The following PPIL6 variants were observed in gnomAD, a reference collection of about 807,000 sequenced individuals.
PPIL6 encodes probable inactive peptidyl-prolyl cis-trans isomerase-like 6.
A neutral mutation model predicts 36.8 loss-of-function variants in PPIL6; 39 were observed. The observed-to-expected ratio is 1.06, with a 90% CI of 0.82 to 1.38. The LOEUF (loss-of-function observed/expected upper bound fraction) is 1.38. PPIL6 is among the 40% of genes most tolerant of loss of function. The pLI, the probability that PPIL6 is intolerant of heterozygous loss-of-function variation, is 0.00. For missense variants in PPIL6, 368 were observed against 379.1 expected (o/e 0.97, Z 0.24); for synonymous variants, 123 against 134.1 (o/e 0.92, Z 0.57).
chr6:109,410,272 G>C (rs1223897264), intron 6 of PPIL6, among the ~76,000 whole-genome samples: 2 of 152,178 alleles, frequency 1.3e-5, no homozygotes, highest in Admixed American at 1.3e-4. Context: ...TTTTGTCCTT[G>C]TTGGGTGTAG....
intron 6 of PPIL6, among the ~76,000 whole-genome samples, chr6:109,416,327 C>A (rs1773252994): frequency 2.0e-5 from 3 of 151,502 alleles, no homozygotes; most frequent in African/African-American, 7.3e-5. Flanking sequence ...CTCAGTCTCC[C>A]AAGTAGCTGG....
intron 2 of PPIL6, among the ~76,000 whole-genome samples, chr6:109,433,049 C>T (rs1774238633): frequency 6.6e-6 from 1 of 151,850 alleles, no homozygotes; most frequent in African/African-American, 2.4e-5. Context: ...TTTACAGGAC[C>T]CAAAACTTTC....
chr6:109,430,801 T>C (rs1345334416), intron 3 of PPIL6, among the ~76,000 whole-genome samples: 1 of 152,212 alleles, frequency 6.6e-6, no homozygotes, highest in Non-Finnish European at 1.5e-5. Context: ...TGCCTAGATG[T>C]TGGACAGTCT....
At position 109,414,477 on chromosome 6, in the gene PPIL6, C is replaced by CTTTTTTTTTTTTTTTTTTTTT. The variant is rs146541023; in HGVS notation, c.688+4689_688+4709dup. Among the ~76,000 whole-genome samples the CTTTTTTTTTTTTTTTTTTTTT allele has an allele frequency of 1.4e-4, 12 of 86,514 alleles. 1 individual carries two copies. Among genetic ancestry groups the CTTTTTTTTTTTTTTTTTTTTT allele is most frequent in the Non-Finnish European group, 2.4e-4 (12 of 49,796 alleles). The allele number at this position is 86,514 out of a possible 152,430, so 56.8% of individuals were successfully genotyped here. On this transcript the variant is annotated intron_variant, in intron 6 of 7. Transcript: ENST00000521072. ...GTATCATTTTCTTAATGTCTTTTAGCTTTTTTTTTTTTTTTTTTTTTTTTT... is the reference window on the plus strand; with the variant it reads ...GTATCATTTTCTTAATGTCTTTTAGCTTTTTTTTTTTTTTTTTTTTTTTTTTTTTTTTTTTTTTTTTTTTTT...
At chr6:109,420,723 T>G (rs148975982) in intron 5 of PPIL6, among the ~76,000 whole-genome samples, 109 of 152,310 alleles carry the variant, frequency 7.2e-4, no homozygotes, top group African/African-American at 2.6e-3. Flanking sequence ...CAATAAATAT[T>G]TATTGAAGGA....
chr6:109,393,221 A>T (rs1214400810), intron 7 of PPIL6, among the ~76,000 whole-genome samples: 1 of 143,442 alleles, frequency 7.0e-6, no homozygotes. Flanking sequence ...AGTCAGGGTG[A>T]TTTTTTTTTT....
intron 5 of PPIL6, 93 bp downstream of exon 5, chr6:109,426,754 T>A: frequency 1.2e-6 from 1 of 851,158 alleles, no homozygotes; most frequent in Non-Finnish European, 1.7e-6. Context: ...TTTAAGTATA[T>A]CTAATTCTAC....
chr6:109,400,204 C>T, intron 6 of PPIL6, 34 bp from the exon 7 acceptor site: 1 of 1,563,062 alleles, frequency 6.4e-7, no homozygotes, highest in Admixed American at 1.7e-5. Flanking sequence ...GTCATTAGCA[C>T]ATTTCTATTA....
At chr6:109,400,526 C>T (rs1170369378) in intron 6 of PPIL6, among the ~76,000 whole-genome samples, 1 of 152,154 alleles carries the variant, frequency 6.6e-6, no homozygotes, top group Non-Finnish European at 1.5e-5. Context: ...CAAACTACCA[C>T]CATACTCATT....
At chr6:109,421,736 A>G (rs979399104) in intron 5 of PPIL6, among the ~76,000 whole-genome samples, 14 of 152,294 alleles carry the variant, frequency 9.2e-5, no homozygotes, top group African/African-American at 3.4e-4. Flanking sequence ...TCTGGAGAAG[A>G]GCTCTGAATG....
At chr6:109,433,402 T>C (rs1774271986) in intron 2 of PPIL6, among the ~76,000 whole-genome samples, 1 of 152,216 alleles carries the variant, frequency 6.6e-6, no homozygotes, top group African/African-American at 2.4e-5. Flanking sequence ...TCACTGTGGA[T>C]ATTTCAGCTA....
intron 6 of PPIL6, among the ~76,000 whole-genome samples, chr6:109,417,808 G>C (rs1021845098): frequency 3.3e-5 from 5 of 152,060 alleles, no homozygotes; most frequent in Non-Finnish European, 7.3e-5. Context: ...GTCCAACCTT[G>C]GACTCTTGTT....
chr6:109,438,674 C>T (rs1774594068), intron 1 of PPIL6, among the ~76,000 whole-genome samples: 1 of 152,028 alleles, frequency 6.6e-6, no homozygotes, highest in South Asian at 2.1e-4. Flanking sequence ...CCGAAACCTC[C>T]ACCTCCCGGG....
chr6:109,417,539 C>G (rs116090489), intron 6 of PPIL6, among the ~76,000 whole-genome samples: 1 of 152,170 alleles, frequency 6.6e-6, no homozygotes, highest in Non-Finnish European at 1.5e-5. Flanking sequence ...TCTTTATTCT[C>G]TTTATTCTTA....
intron 1 of PPIL6, among the ~76,000 whole-genome samples, chr6:109,439,112 G>C (rs1029492484): frequency 2.0e-5 from 3 of 152,034 alleles, no homozygotes; most frequent in Non-Finnish European, 4.4e-5. Flanking sequence ...AAAAAAACTT[G>C]TCAACACTTT....
intron 7 of PPIL6, 21 bp downstream of exon 7, chr6:109,400,014 A>C (rs775883300): frequency 6.4e-7 from 1 of 1,561,778 alleles, no homozygotes; most frequent in South Asian, 1.1e-5. Context: ...TATTATATAA[A>C]TAGATCTACA....
intron 6 of PPIL6, among the ~76,000 whole-genome samples, chr6:109,408,734 C>T (rs145689195): frequency 7.9e-5 from 12 of 152,214 alleles, no homozygotes; most frequent in African/African-American, 2.4e-4. Flanking sequence ...CTTAGAGATA[C>T]GTATCATCTA....
At chr6:109,437,174 G>T (rs1582607726) in intron 1 of PPIL6, among the ~76,000 whole-genome samples, 1 of 152,172 alleles carries the variant, frequency 6.6e-6, no homozygotes, top group Non-Finnish European at 1.5e-5. Flanking sequence ...GTTATACTTT[G>T]TCTCCCTCTA....
chr6:109,427,993 C>G (rs539222654), intron 3 of PPIL6, among the ~76,000 whole-genome samples: 1 of 152,232 alleles, frequency 6.6e-6, no homozygotes, highest in South Asian at 2.1e-4. Context: ...AAATCAGGTC[C>G]CTATATCCAT....
Sources: gnomAD v4.1 joint callset for allele counts (sites outside exome capture counted in the v4.1 genomes callset) on GRCh38, gnomAD v4.1.1 for gene constraint, MANE v1.5 for transcripts, NCBI Gene and HGNC (gene_info 2026-07-23, HGNC 2026-07-21) for gene names.